Variants in WDHD1 observed in about 807,000 individuals in gnomAD.
WDHD1 encodes WD repeat and HMG-box DNA binding protein 1, also known as WD repeat and HMG-box DNA-binding protein 1.
A neutral mutation model predicts 135.4 loss-of-function variants in WDHD1; 111 were observed. The observed-to-expected ratio is 0.82, with a 90% CI of 0.70 to 0.96. The LOEUF is 0.96. Among genes scored for constraint, WDHD1 ranks in the 40% least tolerant of loss-of-function variants. The pLI, the probability that WDHD1 is intolerant of heterozygous loss-of-function variation, is 0.00. For synonymous variants in WDHD1, 434 were observed against 439.0 expected, an observed-to-expected ratio of 0.99 and a Z score of 0.14; for missense variants, 1,351 against 1,336.3, an observed-to-expected ratio of 1.01 and a Z score of -0.17.
chr14:55,026,652 G>A (rs2042448455), intron 2 of WDHD1, 59 bp downstream of exon 2: 2 of 1,549,972 alleles, frequency 1.3e-6, no homozygotes, highest in Non-Finnish European at 1.8e-6. Context: ...CACATATAAA[G>A]TTTAAGGATA....
intron 8 of WDHD1, 24 bp from the exon 9 acceptor site, chr14:55,001,016 A>G (rs1412040386): frequency 1.4e-6 from 2 of 1,402,878 alleles, no homozygotes; most frequent in South Asian, 1.5e-5. Context: ...CAGTTAATAA[A>G]TAATGATTTT....
intron 24 of WDHD1, among the ~76,000 whole-genome samples, chr14:54,952,084 G>C (rs1207101941): frequency 6.6e-6 from 1 of 152,186 alleles, no homozygotes. Context: ...ACTGGCACAA[G>C]ACAGGGATGC....
At chr14:55,009,747 A>T (rs967171250) in intron 4 of WDHD1, among the ~76,000 whole-genome samples, 5 of 151,730 alleles carry the variant, frequency 3.3e-5, no homozygotes, top group Non-Finnish European at 7.4e-5. Context: ...TAATTTTTTT[A>T]AATTTTCCAT....
At chr14:54,956,604 C>T (rs1160106718) in intron 23 of WDHD1, among the ~76,000 whole-genome samples, 2 of 152,088 alleles carry the variant, frequency 1.3e-5, no homozygotes, top group African/African-American at 4.8e-5. Flanking sequence ...TGACACTGCA[C>T]TCCATCCAGC....
intron 6 of WDHD1, 98 bp downstream of exon 6, chr14:55,008,218 C>A: frequency 8.2e-7 from 1 of 1,219,630 alleles, no homozygotes; most frequent in South Asian, 1.5e-5. Flanking sequence ...AAACAAATTC[C>A]AAAGAAAAGC....
intron 8 of WDHD1, among the ~76,000 whole-genome samples, chr14:55,001,489 C>G (rs1467598239): frequency 2.0e-5 from 3 of 151,902 alleles, no homozygotes; most frequent in African/African-American, 7.3e-5. Context: ...TTTCGGATTC[C>G]TGGCCTCAAG....
intron 24 of WDHD1, among the ~76,000 whole-genome samples, chr14:54,945,862 G>A (rs1381795691): frequency 6.6e-6 from 1 of 152,062 alleles, no homozygotes; most frequent in East Asian, 1.9e-4. Context: ...GTTTAACCCA[G>A]CAGCTATACG....
intron 24 of WDHD1, among the ~76,000 whole-genome samples, chr14:54,949,406 T>C (rs2040998727): frequency 6.6e-6 from 1 of 151,964 alleles, no homozygotes; most frequent in African/African-American, 2.4e-5. Flanking sequence ...GTATCAGTGA[T>C]CAAAGATCAA....
intron 16 of WDHD1, among the ~76,000 whole-genome samples, chr14:54,967,968 C>G (rs2041372802): frequency 6.6e-6 from 1 of 152,148 alleles, no homozygotes; most frequent in Non-Finnish European, 1.5e-5. Flanking sequence ...GAAATCAGCT[C>G]TCTTCATATT....
Position 54,947,033 on chromosome 14 carries a change from A to G in WDHD1, c.3051-2563T>C, listed in dbSNP as rs1260117809. ...ACTCCAGCCTTGGTGACAGGGCAAG[A>G]CTGTCTCAAAAAAAGTGTTAGGCGG... On this transcript the variant is annotated intron_variant, in intron 24 of 25. Transcript: ENST00000360586. 4.0e-5 allele frequency among the ~76,000 whole-genome samples: 6 copies of G among 150,182 alleles called. No homozygotes were observed. In the East Asian group the frequency reaches 1.2e-3, roughly 30 times the overall value.
At chr14:55,005,672 T>A in intron 7 of WDHD1, 1 of 535,014 alleles carries the variant, frequency 1.9e-6, no homozygotes, top group South Asian at 1.6e-5. Context: ...TTGCAGGACA[T>A]AGAGGTTCTA....
At chr14:54,945,209 T>C (rs2040903032) in intron 24 of WDHD1, among the ~76,000 whole-genome samples, 1 of 152,218 alleles carries the variant, frequency 6.6e-6, no homozygotes, top group South Asian at 2.1e-4. Context: ...AGAGCTGACC[T>C]GCATCAGCAT....
chr14:54,974,818 C>CT (rs1477891308), intron 16 of WDHD1, among the ~76,000 whole-genome samples: 2 of 152,116 alleles, frequency 1.3e-5, no homozygotes, highest in African/African-American at 4.8e-5. Context: ...GAATGAGACT[C>CT]TGTCTCGAAA....
At chr14:55,018,451 C>T (rs1320043547) in intron 2 of WDHD1, among the ~76,000 whole-genome samples, 1 of 152,108 alleles carries the variant, frequency 6.6e-6, no homozygotes, top group Admixed American at 6.6e-5. Context: ...GATAGAACTC[C>T]TATTTTTAAT....
chr14:54,989,563 C>G (rs2041750560), intron 12 of WDHD1, among the ~76,000 whole-genome samples: 1 of 151,880 alleles, frequency 6.6e-6, no homozygotes. Flanking sequence ...AGAAATATTT[C>G]AAAAATTGAG....
intron 2 of WDHD1, among the ~76,000 whole-genome samples, chr14:55,014,451 A>G (rs1179091574): frequency 1.3e-5 from 2 of 152,180 alleles, no homozygotes; most frequent in Non-Finnish European, 2.9e-5. Context: ...GCAACAATAA[A>G]ATAGGGACCG....
At chr14:54,958,985 C>T (rs1471119887) in intron 21 of WDHD1, among the ~76,000 whole-genome samples, 3 of 152,212 alleles carry the variant, frequency 2.0e-5, no homozygotes, top group African/African-American at 7.2e-5. Context: ...TCATCTTCCT[C>T]TCTAAATCTG....
At chr14:54,948,478 C>G (rs1278950358) in intron 24 of WDHD1, among the ~76,000 whole-genome samples, 2 of 151,994 alleles carry the variant, frequency 1.3e-5, no homozygotes, top group Non-Finnish European at 2.9e-5. Flanking sequence ...TGAGATTGAA[C>G]TACAAGGCGG....
rs1484670895 is a variant in WDHD1 at position 54,947,746 on chromosome 14, C to A, written c.3051-3276G>T. On this transcript the variant is annotated intron_variant, in intron 24 of 25. Transcript: ENST00000360586. ...AGCTGGGATTACAGGCATGAGCCAC[C>A]ATACCTGGCAAACTTTTGTATTTTT... is the stretch of plus-strand genomic sequence containing the variant. Among the ~76,000 whole-genome samples, 5 of 151,776 alleles carry A rather than the reference C, an allele frequency of 3.3e-5. No individual in the cohort carries two copies. The East Asian group carries it at 9.9e-4, about 30-fold the overall frequency.
Sources: allele counts gnomAD v4.1 joint callset (sites outside exome capture counted in the v4.1 genomes callset), GRCh38; gene constraint gnomAD v4.1.1; transcripts MANE v1.5; gene names NCBI Gene and HGNC (gene_info 2026-07-23, HGNC 2026-07-21).